The following MAGI2 variants were observed in gnomAD, a reference collection of about 807,000 sequenced individuals.
The protein encoded by MAGI2 is membrane associated guanylate kinase, WW and PDZ domain containing 2.
MAGI2 carries 35 observed loss-of-function variants against 133.3 expected under a neutral mutation model. The ratio of observed to expected loss-of-function variants is 0.26; its 90% confidence interval spans 0.20 to 0.35. MAGI2 has a LOEUF of 0.35. Ranked by LOEUF, MAGI2 falls within the 10% of genes least tolerant of loss-of-function variation. The pLI is 1.00. For missense variants in MAGI2, 1,636 were observed against 1,863.4 expected (o/e 0.88, Z 2.25); for synonymous variants, 729 against 710.6 (o/e 1.03, Z -0.41).
At chr7:78,114,306 G>A (rs1231490962) in intron 20 of MAGI2, among the ~76,000 whole-genome samples, 2 of 152,154 alleles carry the variant, frequency 1.3e-5, no homozygotes, top group South Asian at 2.1e-4. Context: ...TGTAAATCAT[G>A]CACCAATGAC....
chr7:79,235,882 T>G (rs1206164842), intron 1 of MAGI2, among the ~76,000 whole-genome samples: 1 of 152,238 alleles, frequency 6.6e-6, no homozygotes, highest in African/African-American at 2.4e-5. Flanking sequence ...TTGCTTTGTA[T>G]TTTCGGGTTC....
intron 16 of MAGI2, among the ~76,000 whole-genome samples, chr7:78,159,280 C>T (rs545505151): frequency 8.1e-4 from 123 of 152,328 alleles, no homozygotes; most frequent in Non-Finnish European, 1.5e-3. Context: ...GTCTCTGAAC[C>T]TACAGGGATG....
chr7:78,613,564 G>A (rs1806709820), intron 3 of MAGI2, among the ~76,000 whole-genome samples: 1 of 152,162 alleles, frequency 6.6e-6, no homozygotes, highest in Admixed American at 6.5e-5. Flanking sequence ...AAAGCATAAA[G>A]TAAAAGTACA....
intron 2 of MAGI2, among the ~76,000 whole-genome samples, chr7:78,757,651 C>T (rs1238423189): frequency 4.6e-5 from 7 of 152,132 alleles, no homozygotes; most frequent in African/African-American, 1.7e-4. Context: ...ATCATTCTCT[C>T]TTTGAAGCAC....
chr7:78,434,443 G>A (rs918292344), intron 6 of MAGI2, among the ~76,000 whole-genome samples: 2 of 152,164 alleles, frequency 1.3e-5, no homozygotes, highest in Admixed American at 1.3e-4. Context: ...AGAGATGGAT[G>A]GAAACAGGGT....
chr7:79,024,852 A>C (rs1326762771), intron 1 of MAGI2, among the ~76,000 whole-genome samples: 1 of 152,140 alleles, frequency 6.6e-6, no homozygotes, highest in Non-Finnish European at 1.5e-5. Context: ...TTAAAAAAAA[A>C]ACACATGCTG....
At chr7:78,988,814 G>C (rs568078472) in intron 2 of MAGI2, among the ~76,000 whole-genome samples, 15 of 152,136 alleles carry the variant, frequency 9.9e-5, no homozygotes, top group African/African-American at 3.4e-4. Context: ...TGAGTCTGCA[G>C]CAAGGTATTT....
intron 2 of MAGI2, among the ~76,000 whole-genome samples, chr7:78,725,480 G>C (rs1032923820): frequency 2.0e-5 from 3 of 152,136 alleles, no homozygotes; most frequent in African/African-American, 7.2e-5. Flanking sequence ...TGTGGGTCAG[G>C]CACTATGCTG....
At chr7:78,653,875 G>A (rs748629972) in intron 2 of MAGI2, among the ~76,000 whole-genome samples, 4 of 151,658 alleles carry the variant, frequency 2.6e-5, no homozygotes, top group Admixed American at 1.3e-4. Flanking sequence ...TTAGTACTCT[G>A]AGGTCAAAAG....
chr7:79,353,541 C>T (rs1490832021), intron 1 of MAGI2: 35 of 452,872 alleles, frequency 7.7e-5, no homozygotes, highest in South Asian at 5.3e-4. Context: ...ATGGCCACCA[C>T]TGCTTCAAGG....
chr7:78,879,788 A>C (rs569326846), intron 2 of MAGI2, among the ~76,000 whole-genome samples: 1 of 152,234 alleles, frequency 6.6e-6, no homozygotes, highest in East Asian at 1.9e-4. Context: ...TATTGCAAAG[A>C]AGCTTAATGA....
intron 21 of MAGI2, among the ~76,000 whole-genome samples, chr7:78,041,163 C>T (rs946604404): frequency 5.9e-5 from 9 of 152,130 alleles, no homozygotes; most frequent in Admixed American, 1.3e-4. Context: ...CTGCAGTATG[C>T]GATGGAAGGC....
At chr7:78,515,568 AT>A (rs1448398020) in intron 4 of MAGI2, among the ~76,000 whole-genome samples, 5 of 152,150 alleles carry the variant, frequency 3.3e-5, no homozygotes, top group African/African-American at 9.7e-5. Flanking sequence ...ATTTAAAGGT[AT>A]ATGCTAATCG....
chr7:78,669,210 T>A (rs1814023641), intron 2 of MAGI2, among the ~76,000 whole-genome samples: 1 of 151,886 alleles, frequency 6.6e-6, no homozygotes, highest in South Asian at 2.1e-4. Flanking sequence ...AAGAATCAAA[T>A]AGATGAAATA....
At chr7:78,861,245 GCC>G (rs200354566) in intron 2 of MAGI2, among the ~76,000 whole-genome samples, 2,662 of 152,156 alleles carry the variant, frequency 0.017, 44 homozygotes, top group Middle Eastern at 0.048. Flanking sequence ...TGCCTGACAA[GCC>G]CCAGTGAGAT....
intron 3 of MAGI2, among the ~76,000 whole-genome samples, chr7:78,588,472 A>T (rs1225797692): frequency 6.6e-6 from 1 of 152,190 alleles, no homozygotes; most frequent in Admixed American, 6.5e-5. Context: ...GGCAGATAAC[A>T]TATGTGCAAA....
chr7:79,361,210 ATG>A (rs1842356029), intron 1 of MAGI2, among the ~76,000 whole-genome samples: 1 of 152,168 alleles, frequency 6.6e-6, no homozygotes, highest in Non-Finnish European at 1.5e-5. Context: ...CCTTTAATGA[ATG>A]TAATAGAAAC....
At chr7:78,868,214 C>A (rs1251135154) in intron 2 of MAGI2, among the ~76,000 whole-genome samples, 2 of 152,008 alleles carry the variant, frequency 1.3e-5, no homozygotes, top group Non-Finnish European at 2.9e-5. Flanking sequence ...AATGAGTAAA[C>A]CTTAACAATA....
chr7:78,487,985 C>CAAGAAAATTGTA (rs1793218868), intron 6 of MAGI2, among the ~76,000 whole-genome samples: 1 of 151,986 alleles, frequency 6.6e-6, no homozygotes, highest in Non-Finnish European at 1.5e-5. Context: ...TACCTAAAAG[C>CAAGAAAATTGTA]ACTTTTCTTG....
Sources: gnomAD v4.1 joint callset for allele counts (sites outside exome capture counted in the v4.1 genomes callset) on GRCh38, gnomAD v4.1.1 for gene constraint, MANE v1.5 for transcripts, NCBI Gene and HGNC (gene_info 2026-07-23, HGNC 2026-07-21) for gene names.